The following SLC24A2 variants were observed in gnomAD, a reference collection of about 807,000 sequenced individuals.
SLC24A2 encodes the protein sodium/potassium/calcium exchanger 2.
In SLC24A2, 36 loss-of-function variants were observed where a neutral mutation model predicts 62.0. That is an observed-to-expected ratio of 0.58 (90% CI 0.44 to 0.77). The LOEUF is 0.77. Among genes scored for constraint, SLC24A2 ranks in the 30% least tolerant of loss-of-function variants. The pLI is 0.00. For synonymous variants in SLC24A2, 358 were observed against 294.0 expected (o/e 1.22, Z -2.23); for missense variants, 846 against 817.9 (o/e 1.03, Z -0.42).
chr9:19,516,622 C>T (rs1203516998), intron 10 of SLC24A2, among the ~76,000 whole-genome samples: 1 of 152,086 alleles, frequency 6.6e-6, no homozygotes, highest in African/African-American at 2.4e-5. Flanking sequence ...GAATTCAGAA[C>T]AGGGAGAACA....
chr9:20,111,019 T>C, the SLC24A2 span, among the ~76,000 whole-genome samples: 2 of 152,334 alleles, frequency 1.3e-5, no homozygotes, highest in East Asian at 1.9e-4. Flanking sequence ...ATATGGTAGA[T>C]ATGTTTAAAG....
chr9:19,635,903 A>G (rs1235730774), intron 2 of SLC24A2, among the ~76,000 whole-genome samples: 1 of 152,216 alleles, frequency 6.6e-6, no homozygotes, highest in Non-Finnish European at 1.5e-5. Flanking sequence ...ATGTGTGTAC[A>G]TTTTGTATGT....
intron 8 of SLC24A2, among the ~76,000 whole-genome samples, chr9:19,542,170 G>C (rs180854691): frequency 2.0e-5 from 3 of 152,150 alleles, no homozygotes; most frequent in African/African-American, 7.2e-5. Flanking sequence ...CGTCTTCTGC[G>C]TCGCTCACGC....
the SLC24A2 span, among the ~76,000 whole-genome samples, chr9:20,302,700 G>C: frequency 2.0e-5 from 3 of 152,098 alleles, no homozygotes; most frequent in African/African-American, 7.2e-5. Context: ...TCTTGACTAT[G>C]TCTTTCACAG....
intron 4 of SLC24A2, among the ~76,000 whole-genome samples, chr9:19,605,895 A>C (rs540458340): frequency 6.6e-6 from 1 of 152,388 alleles, no homozygotes; most frequent in Admixed American, 6.5e-5. Flanking sequence ...AGTAAGAGGC[A>C]GAACTGGGGT....
At chr9:20,016,305 T>G in the SLC24A2 span, among the ~76,000 whole-genome samples, 2 of 152,204 alleles carry the variant, frequency 1.3e-5, no homozygotes, top group African/African-American at 2.4e-5. Context: ...GATACTTTAT[T>G]GATTTATACA....
At chr9:20,251,807 C>T in the SLC24A2 span, among the ~76,000 whole-genome samples, 1 of 152,214 alleles carries the variant, frequency 6.6e-6, no homozygotes, top group Admixed American at 6.5e-5. Flanking sequence ...CCCTCTGTCA[C>T]CCACAACATA....
At chr9:19,566,705 C>T (rs2132824277) in intron 7 of SLC24A2, among the ~76,000 whole-genome samples, 1 of 152,230 alleles carries the variant, frequency 6.6e-6, no homozygotes, top group African/African-American at 2.4e-5. Context: ...GACTTGAAAC[C>T]AACCCAAATG....
chr9:19,702,234 C>G lies in SLC24A2; in HGVS notation c.931-79935G>C, dbSNP rs994085954. 1.4e-4 allele frequency among the ~76,000 whole-genome samples: 21 copies of G among 152,282 alleles called. 1 individual carries two copies. Among genetic ancestry groups the G allele is most frequent in the African/African-American group, 4.6e-4 (19 of 41,548 alleles). On this transcript the variant is annotated intron_variant, in intron 2 of 10. Coordinates refer to ENST00000341998, the MANE Select transcript of SLC24A2 (RefSeq NM_020344.4). The stretch of plus-strand genomic sequence containing the variant: ...TTTTCCCATGAATGCAGGTTTTAGT[C>G]AAATGCCAGCATTCTCTGTACACTT...
chr9:19,782,968 A>G (rs980867353), intron 2 of SLC24A2, among the ~76,000 whole-genome samples: 3 of 152,162 alleles, frequency 2.0e-5, no homozygotes, highest in African/African-American at 7.2e-5. Context: ...TAACTTTTTA[A>G]AAAGGGTAGT....
chr9:19,721,646 T>C (rs1821027906), intron 2 of SLC24A2, among the ~76,000 whole-genome samples: 1 of 152,142 alleles, frequency 6.6e-6, no homozygotes. Flanking sequence ...AAAGTGTCAT[T>C]TAATCTCCAT....
chr9:19,542,476 A>G (rs775809052), intron 8 of SLC24A2, among the ~76,000 whole-genome samples: 1 of 152,062 alleles, frequency 6.6e-6, no homozygotes, highest in African/African-American at 2.4e-5. Flanking sequence ...CCAATACTAT[A>G]TTGAATAGGA....
the SLC24A2 span, among the ~76,000 whole-genome samples, chr9:19,997,644 GA>G: frequency 6.6e-6 from 1 of 152,168 alleles, no homozygotes; most frequent in South Asian, 2.1e-4. Flanking sequence ...TGAGTGGTTA[GA>G]AATGATTCCA....
chr9:20,118,468 G>C, the SLC24A2 span, among the ~76,000 whole-genome samples: 21,867 of 152,008 alleles, frequency 0.14, 1,755 homozygotes, highest in South Asian at 0.24. Flanking sequence ...ATGCTTGAGA[G>C]ATAACCAACA....
the SLC24A2 span, among the ~76,000 whole-genome samples, chr9:20,234,512 A>T: frequency 4.6e-5 from 7 of 152,096 alleles, no homozygotes. Context: ...CTTCCAGTTG[A>T]TCGCATCAGC....
the SLC24A2 span, among the ~76,000 whole-genome samples, chr9:20,265,017 T>C: frequency 6.6e-6 from 1 of 152,226 alleles, no homozygotes; most frequent in Non-Finnish European, 1.5e-5. Context: ...CTGGGTCTAT[T>C]AGCATGGGTC....
At chr9:20,271,079 T>C in the SLC24A2 span, among the ~76,000 whole-genome samples, 1 of 152,192 alleles carries the variant, frequency 6.6e-6, no homozygotes, top group South Asian at 2.1e-4. Flanking sequence ...CACTCTATCT[T>C]ACTCTCGCTT....
chr9:19,705,047 C>T (rs1286283743), intron 2 of SLC24A2, among the ~76,000 whole-genome samples: 2 of 152,090 alleles, frequency 1.3e-5, no homozygotes, highest in African/African-American at 4.8e-5. Flanking sequence ...TTACCTTAAT[C>T]TTTATTCATT....
chr9:20,068,953 A>G, the SLC24A2 span, among the ~76,000 whole-genome samples: 3 of 152,320 alleles, frequency 2.0e-5, no homozygotes, highest in East Asian at 1.9e-4. Context: ...ACCTACAAAT[A>G]TAACAGCTGA....
Sources: allele counts gnomAD v4.1 joint callset (sites outside exome capture counted in the v4.1 genomes callset), GRCh38; gene constraint gnomAD v4.1.1; transcripts MANE v1.5; gene names NCBI Gene and HGNC (gene_info 2026-07-23, HGNC 2026-07-21).